The following KAZN variants were observed in gnomAD, a reference collection of about 807,000 sequenced individuals.
KAZN encodes the protein kazrin.
In KAZN, 40 loss-of-function variants were observed where a neutral mutation model predicts 87.4. The ratio of observed to expected loss-of-function variants is 0.46; its 90% CI spans 0.36 to 0.60. The LOEUF (loss-of-function observed/expected upper bound fraction) is 0.60, where lower values mean the gene tolerates loss of function less well. KAZN is among the 20% of genes least tolerant of loss of function. The pLI, the probability that KAZN is intolerant of heterozygous loss-of-function variation, is 0.00. For synonymous variants in KAZN, 466 were observed against 458.3 expected (o/e 1.02, Z -0.22); for missense variants, 898 against 1,073.9 (o/e 0.84, Z 2.29).
intron 5 of KAZN, among the ~76,000 whole-genome samples, chr1:15,058,873 G>A (rs755887473): frequency 2.0e-5 from 3 of 151,822 alleles, no homozygotes; most frequent in Admixed American, 6.6e-5. Context: ...ACAAAAATTC[G>A]CTGGACTTGG....
chr1:14,614,460 G>A (rs908797071), intron 1 of KAZN, among the ~76,000 whole-genome samples: 1 of 152,220 alleles, frequency 6.6e-6, no homozygotes, highest in African/African-American at 2.4e-5. Context: ...ACATTAGAGA[G>A]AGGCAGAGGC....
At chr1:14,457,819 G>GTTTTTTT (rs147082108) in intron 2 of KAZN, among the ~76,000 whole-genome samples, 9 of 136,934 alleles carry the variant, frequency 6.6e-5, no homozygotes, top group African/African-American at 9.1e-5. Flanking sequence ...GTTGTTTTTT[G>GTTTTTTT]TTTTGTTTTT....
intron 2 of KAZN, among the ~76,000 whole-genome samples, chr1:14,480,233 TTGTAATC>T (rs1668994986): frequency 6.6e-6 from 1 of 152,250 alleles, no homozygotes; most frequent in Non-Finnish European, 1.5e-5. Context: ...ACCTGTACTC[TTGTAATC>T]TGCAAAGGGG....
chr1:14,259,046 A>G (rs1410815657), intron 2 of KAZN, among the ~76,000 whole-genome samples: 2 of 152,126 alleles, frequency 1.3e-5, no homozygotes, highest in African/African-American at 2.4e-5. Context: ...GGTTATTGAC[A>G]TGTCCAACGA....
chr1:14,186,218 A>C (rs1235550460), intron 2 of KAZN, among the ~76,000 whole-genome samples: 1 of 152,210 alleles, frequency 6.6e-6, no homozygotes, highest in African/African-American at 2.4e-5. Flanking sequence ...AATAACATTT[A>C]AAATGATAAT....
intron 2 of KAZN, among the ~76,000 whole-genome samples, chr1:14,214,687 A>G (rs995315543): frequency 6.6e-6 from 1 of 152,244 alleles, no homozygotes; most frequent in Non-Finnish European, 1.5e-5. Flanking sequence ...TGGATTGTAT[A>G]TGAGATGTAA....
intron 1 of KAZN, among the ~76,000 whole-genome samples, chr1:14,003,174 T>G (rs1340412871): frequency 6.6e-6 from 1 of 150,490 alleles, no homozygotes; most frequent in Non-Finnish European, 1.5e-5. Context: ...GGACACAGGG[T>G]GGGGAACATC....
chr1:15,008,197 A>T (rs1473509453), intron 2 of KAZN, among the ~76,000 whole-genome samples: 1 of 152,136 alleles, frequency 6.6e-6, no homozygotes. Flanking sequence ...CACCTCACCC[A>T]TCCAGACGGC....
chr1:14,570,958 T>C (rs1340902704), intron 2 of KAZN, among the ~76,000 whole-genome samples: 2 of 152,180 alleles, frequency 1.3e-5, no homozygotes, highest in Non-Finnish European at 1.5e-5. Context: ...CCTACCTGAA[T>C]TTCTCATCTG....
intron 2 of KAZN, among the ~76,000 whole-genome samples, chr1:15,000,529 C>T (rs1034322548): frequency 6.6e-5 from 10 of 151,686 alleles, no homozygotes; most frequent in Admixed American, 1.3e-4. Flanking sequence ...CAGAGGGTGT[C>T]GTGAGAGAGC....
intron 13 of KAZN, among the ~76,000 whole-genome samples, chr1:15,110,543 A>ATGTTTGTGTGTGTG (rs1641562586): frequency 3.4e-5 from 1 of 29,422 alleles, no homozygotes; most frequent in Non-Finnish European, 6.9e-5. Flanking sequence ...GTGTGTGCAT[A>ATGTTTGTGTGTGTG]TGTGTTTGTG....
intron 1 of KAZN, among the ~76,000 whole-genome samples, chr1:14,631,736 AG>A (rs1679581355): frequency 6.6e-6 from 1 of 152,242 alleles, no homozygotes; most frequent in Non-Finnish European, 1.5e-5. Flanking sequence ...GATTTTTCCC[AG>A]GGAATGAAGT....
intron 2 of KAZN, among the ~76,000 whole-genome samples, chr1:14,395,579 C>T (rs1240896382): frequency 6.6e-6 from 1 of 152,104 alleles, no homozygotes; most frequent in Non-Finnish European, 1.5e-5. Flanking sequence ...AAAAGGCAGG[C>T]AGGGGACTAA....
At chr1:14,197,657 C>T (rs1041506222) in intron 2 of KAZN, among the ~76,000 whole-genome samples, 6 of 152,294 alleles carry the variant, frequency 3.9e-5, no homozygotes, top group Non-Finnish European at 7.3e-5. Flanking sequence ...CACTACACTT[C>T]AGCCTGTGTG....
At chr1:14,285,625 G>C (rs1248228011) in intron 2 of KAZN, among the ~76,000 whole-genome samples, 1 of 152,200 alleles carries the variant, frequency 6.6e-6, no homozygotes, top group Non-Finnish European at 1.5e-5. Context: ...CATGGCATCA[G>C]CCTGGCTCCT....
chr1:14,277,709 A>G (rs916033540), intron 2 of KAZN, among the ~76,000 whole-genome samples: 1 of 151,502 alleles, frequency 6.6e-6, no homozygotes, highest in Admixed American at 6.6e-5. Context: ...ATGGACTTCT[A>G]TGTGCCCATT....
At chr1:14,402,540 CATAAAT>C (rs1349223439) in intron 2 of KAZN, among the ~76,000 whole-genome samples, 2 of 152,126 alleles carry the variant, frequency 1.3e-5, no homozygotes, top group East Asian at 1.9e-4. Context: ...ATCTAAATGT[CATAAAT>C]ATAAAATATC....
chr1:14,286,295 A>G (rs1315464957), intron 2 of KAZN, among the ~76,000 whole-genome samples: 1 of 152,196 alleles, frequency 6.6e-6, no homozygotes, highest in African/African-American at 2.4e-5. Flanking sequence ...TTCCAAGGAC[A>G]CCAATCCTAT....
At chr1:14,959,642 G>T (rs1047330831) in intron 1 of KAZN, among the ~76,000 whole-genome samples, 6 of 152,186 alleles carry the variant, frequency 3.9e-5, no homozygotes, top group Non-Finnish European at 8.8e-5. Context: ...TCCTTCCACG[G>T]TCTCCTAAGT....
Sources: allele counts gnomAD v4.1 joint callset (sites outside exome capture counted in the v4.1 genomes callset), GRCh38; gene constraint gnomAD v4.1.1; transcripts MANE v1.5; gene names NCBI Gene and HGNC (gene_info 2026-07-23, HGNC 2026-07-21).